The following LARGE1 variants were observed in gnomAD, a reference collection of about 807,000 sequenced individuals.
LARGE1 encodes xylosyl- and glucuronyltransferase LARGE1.
A neutral mutation model predicts 87.6 loss-of-function variants in LARGE1; 43 were observed. The observed-to-expected ratio is 0.49, with a 90% CI of 0.38 to 0.63. LARGE1 has a LOEUF of 0.63. LARGE1 is among the 30% of genes least tolerant of loss of function. LARGE1 has a pLI of 0.00. For synonymous variants in LARGE1, 434 were observed against 394.6 expected (o/e 1.10, Z -1.18); for missense variants, 802 against 1,000.2 (o/e 0.80, Z 2.67).
At chr22:33,255,181 G>C (rs1399123483) in intron 11 of LARGE1, among the ~76,000 whole-genome samples, 1 of 152,076 alleles carries the variant, frequency 6.6e-6, no homozygotes, top group African/African-American at 2.4e-5. Context: ...CAAGTGATCC[G>C]CCTGCCTCGG....
At chr22:33,914,619 G>A (rs982742315) in intron 1 of LARGE1, among the ~76,000 whole-genome samples, 1 of 152,166 alleles carries the variant, frequency 6.6e-6, no homozygotes, top group Non-Finnish European at 1.5e-5. Context: ...CAAAGACTTT[G>A]TGATTCTTTT....
chr22:33,906,957 A>G (rs2065473109), intron 1 of LARGE1, among the ~76,000 whole-genome samples: 1 of 152,066 alleles, frequency 6.6e-6, no homozygotes, highest in African/African-American at 2.4e-5. Context: ...AATGAGCTCA[A>G]AAATGCTGTA....
At chr22:33,772,422 C>T (rs2085100078) in intron 1 of LARGE1, among the ~76,000 whole-genome samples, 1 of 152,140 alleles carries the variant, frequency 6.6e-6, no homozygotes, top group Admixed American at 6.5e-5. Flanking sequence ...TGACCTCGAT[C>T]TCTCCGACCT....
At chr22:33,073,069 C>T in the LARGE1 span, among the ~76,000 whole-genome samples, 1 of 152,176 alleles carries the variant, frequency 6.6e-6, no homozygotes, top group African/African-American at 2.4e-5. Flanking sequence ...ATCATGTCAA[C>T]TCTCATCCAA....
chr22:33,131,950 T>G, the LARGE1 span, among the ~76,000 whole-genome samples: 1 of 151,962 alleles, frequency 6.6e-6, no homozygotes, highest in Non-Finnish European at 1.5e-5. Context: ...AAGTCACATC[T>G]TACATGGATG....
intron 9 of LARGE1, among the ~76,000 whole-genome samples, chr22:33,365,495 C>T (rs1279366408): frequency 1.3e-5 from 2 of 152,162 alleles, no homozygotes; most frequent in Non-Finnish European, 2.9e-5. Flanking sequence ...GCCTGGCAAC[C>T]AAGTGAAAGG....
At chr22:33,351,591 T>G (rs1348417589) in intron 9 of LARGE1, among the ~76,000 whole-genome samples, 1 of 151,818 alleles carries the variant, frequency 6.6e-6, no homozygotes, top group South Asian at 2.1e-4. Context: ...TAAATATAAA[T>G]GAGAAAAAGT....
At chr22:33,143,584 G>A in the LARGE1 span, among the ~76,000 whole-genome samples, 1 of 151,986 alleles carries the variant, frequency 6.6e-6, no homozygotes. Flanking sequence ...ACTTTCTAAA[G>A]CACTTTCTTT....
At chr22:33,454,616 T>TAAA (rs563852024) in intron 6 of LARGE1, among the ~76,000 whole-genome samples, 17 of 111,460 alleles carry the variant, frequency 1.5e-4, no homozygotes, top group African/African-American at 4.7e-4. Context: ...AGACTCTGTC[T>TAAA]AAAAAAAAAA....
the LARGE1 span, among the ~76,000 whole-genome samples, chr22:33,073,103 G>A: frequency 2.0e-5 from 3 of 152,182 alleles, no homozygotes; most frequent in South Asian, 2.1e-4. Context: ...TCTGTTGACC[G>A]ATTTTCTTCC....
At chr22:33,622,628 T>TAC (rs1187193098) in intron 4 of LARGE1, among the ~76,000 whole-genome samples, 11 of 152,204 alleles carry the variant, frequency 7.2e-5, no homozygotes, top group African/African-American at 2.4e-4. Context: ...CACTGGGCTG[T>TAC]ACGTAAGGCA....
intron 12 of LARGE1, among the ~76,000 whole-genome samples, chr22:33,288,432 T>C (rs938925288): frequency 1.3e-5 from 2 of 152,174 alleles, no homozygotes; most frequent in African/African-American, 2.4e-5. Context: ...TGTGAGCCAA[T>C]CCCTTAAGCT....
At chr22:33,575,993 T>C (rs2078341165) in intron 5 of LARGE1, among the ~76,000 whole-genome samples, 1 of 152,228 alleles carries the variant, frequency 6.6e-6, no homozygotes, top group South Asian at 2.1e-4. Context: ...GGAATTCTGA[T>C]TTGTGAACTG....
chr22:33,493,264 G>T (rs2069943491), intron 6 of LARGE1, among the ~76,000 whole-genome samples: 1 of 149,782 alleles, frequency 6.7e-6, no homozygotes, highest in South Asian at 2.1e-4. Context: ...GGGTTCAAGT[G>T]ATTCTCCTGC....
intron 2 of LARGE1, among the ~76,000 whole-genome samples, chr22:33,747,261 T>C (rs2084123503): frequency 6.6e-6 from 1 of 152,136 alleles, no homozygotes; most frequent in Admixed American, 6.5e-5. Context: ...CAAGATCCAC[T>C]TTGCAGGCCT....
chr22:33,686,812 C>A (rs1274477160), intron 2 of LARGE1, among the ~76,000 whole-genome samples: 2 of 152,110 alleles, frequency 1.3e-5, no homozygotes, highest in Admixed American at 1.3e-4. Context: ...ATTTAGCAAA[C>A]AAAAATATAG....
At chr22:33,460,908 T>C (rs975882010) in intron 6 of LARGE1, among the ~76,000 whole-genome samples, 3 of 152,108 alleles carry the variant, frequency 2.0e-5, no homozygotes, top group Admixed American at 6.6e-5. Flanking sequence ...CTCAGGGAGT[T>C]TGGGGGCCAG....
Position 33,274,173 on chromosome 22 carries a change from T to G in LARGE1, c.*254A>C. On this transcript the variant is annotated 3_prime_UTR_variant, in exon 15 of 15. Coordinates refer to ENST00000397394, the MANE Select transcript of LARGE1 (RefSeq NM_133642.5). ...CTTTTACTCCCTGTCACCCCTTGAT[T>G]TCCCATTCTTGAAGAGACTCATCTA... The G allele has an allele frequency of 1.7e-6, 1 of 587,782 alleles. No homozygotes were observed. Among genetic ancestry groups the G allele is most frequent in the East Asian group, 2.9e-5 (1 of 34,702 alleles). The allele number at this position is 587,782 out of a possible 1,614,324, so 36.4% of individuals were successfully genotyped here.
At chr22:33,068,302 A>C in the LARGE1 span, among the ~76,000 whole-genome samples, 2 of 152,132 alleles carry the variant, frequency 1.3e-5, no homozygotes, top group Non-Finnish European at 2.9e-5. Flanking sequence ...TCCCCCAAAT[A>C]TCTCCATTAC....
Sources: allele counts gnomAD v4.1 joint callset (sites outside exome capture counted in the v4.1 genomes callset), GRCh38; gene constraint gnomAD v4.1.1; transcripts MANE v1.5; gene names NCBI Gene and HGNC (gene_info 2026-07-23, HGNC 2026-07-21).